Variants in RASSF8 observed in about 807,000 individuals in gnomAD.
RASSF8 encodes the protein Ras association domain family member 8, also known as ras association domain-containing protein 8.
A neutral mutation model predicts 48.5 loss-of-function variants in RASSF8; 22 were observed. The ratio of observed to expected loss-of-function variants is 0.45; its 90% CI spans 0.32 to 0.65. The LOEUF (loss-of-function observed/expected upper bound fraction) is 0.65, where lower values mean the gene tolerates loss of function less well. Among genes scored for constraint, RASSF8 ranks in the 30% least tolerant of loss-of-function variants. The pLI is 0.03. For synonymous variants in RASSF8, 127 were observed against 171.5 expected (o/e 0.74, Z 2.03); for missense variants, 418 against 489.2 (o/e 0.85, Z 1.37).
chr12:26,048,501 A>G (rs1437011614), intron 2 of RASSF8, among the ~76,000 whole-genome samples: 1 of 152,206 alleles, frequency 6.6e-6, no homozygotes, highest in Non-Finnish European at 1.5e-5. Context: ...ACTCAGGGCT[A>G]CTAGTACTGG....
At chr12:26,062,925 C>G (rs1332018879) in intron 3 of RASSF8, among the ~76,000 whole-genome samples, 1 of 152,112 alleles carries the variant, frequency 6.6e-6, no homozygotes, top group African/African-American at 2.4e-5. Flanking sequence ...TGTTTGCCTC[C>G]AAAACCCCAA....
intron 2 of RASSF8, among the ~76,000 whole-genome samples, chr12:26,025,760 A>G (rs1942898474): frequency 6.6e-6 from 1 of 152,184 alleles, no homozygotes; most frequent in South Asian, 2.1e-4. Context: ...AACAATTGAA[A>G]AATGAAATTC....
At chr12:25,974,240 CA>C (rs1244711158) in intron 1 of RASSF8, among the ~76,000 whole-genome samples, 1 of 151,868 alleles carries the variant, frequency 6.6e-6, no homozygotes, top group Non-Finnish European at 1.5e-5. Flanking sequence ...CCTGATCATA[CA>C]AGCGGAGGAG....
chr12:26,058,528 A>G (rs886324477), intron 3 of RASSF8, among the ~76,000 whole-genome samples: 22 of 82,228 alleles, frequency 2.7e-4, no homozygotes, highest in South Asian at 6.7e-4. Flanking sequence ...ACACATGCGC[A>G]CGCGCGCGCG....
intron 2 of RASSF8, among the ~76,000 whole-genome samples, chr12:26,054,026 GT>G (rs1441185626): frequency 1.3e-5 from 2 of 152,140 alleles, no homozygotes; most frequent in Non-Finnish European, 2.9e-5. Flanking sequence ...AATTTCTAGT[GT>G]TTTTAAAATA....
At chr12:26,008,107 A>G (rs1281169970) in intron 2 of RASSF8, among the ~76,000 whole-genome samples, 2 of 152,068 alleles carry the variant, frequency 1.3e-5, no homozygotes, top group Non-Finnish European at 1.5e-5. Context: ...CCCTGTCTGT[A>G]CTAAAAATAC....
chr12:25,993,596 T>A (rs1337486584), intron 1 of RASSF8, among the ~76,000 whole-genome samples: 2 of 152,198 alleles, frequency 1.3e-5, no homozygotes, highest in African/African-American at 4.8e-5. Context: ...GGTTTTCAAT[T>A]TGCTATCCAG....
intron 1 of RASSF8, among the ~76,000 whole-genome samples, chr12:25,978,152 A>AT (rs1212814052): frequency 6.6e-6 from 1 of 152,156 alleles, no homozygotes; most frequent in African/African-American, 2.4e-5. Context: ...TTCTAACACA[A>AT]TTTTTTAAAA....
intron 2 of RASSF8, among the ~76,000 whole-genome samples, chr12:26,036,852 G>A (rs1270774739): frequency 6.6e-6 from 1 of 152,056 alleles, no homozygotes; most frequent in Non-Finnish European, 1.5e-5. Context: ...GGAGGCAGAG[G>A]TTGAAGTGAG....
chr12:26,037,726 G>A (rs1423669399), intron 2 of RASSF8, among the ~76,000 whole-genome samples: 2 of 152,142 alleles, frequency 1.3e-5, no homozygotes, highest in African/African-American at 2.4e-5. Flanking sequence ...GGGCCTTCAT[G>A]ACACTTTTGT....
intron 2 of RASSF8, among the ~76,000 whole-genome samples, chr12:26,035,092 C>T (rs2137124824): frequency 6.6e-6 from 1 of 152,018 alleles, no homozygotes; most frequent in African/African-American, 2.4e-5. Context: ...ATTATTAATC[C>T]CTAGAAGTAA....
intron 2 of RASSF8, among the ~76,000 whole-genome samples, chr12:26,018,296 A>G (rs1378446695): frequency 6.6e-6 from 1 of 152,154 alleles, no homozygotes; most frequent in Admixed American, 6.5e-5. Flanking sequence ...CTGCCTATGA[A>G]GATTTTATTC....
intron 2 of RASSF8, among the ~76,000 whole-genome samples, chr12:26,030,662 A>C (rs1943010961): frequency 1.3e-5 from 2 of 151,928 alleles, no homozygotes; most frequent in Non-Finnish European, 2.9e-5. Context: ...TTCTTTTCAA[A>C]CCAAATAGAC....
intron 1 of RASSF8, among the ~76,000 whole-genome samples, chr12:25,983,471 G>A (rs1941791768): frequency 6.6e-6 from 1 of 152,170 alleles, no homozygotes; most frequent in Non-Finnish European, 1.5e-5. Context: ...TCTAGAAACT[G>A]ATCTTATCAG....
chr12:26,002,985 A>G (rs995479261), intron 2 of RASSF8, among the ~76,000 whole-genome samples: 1 of 152,238 alleles, frequency 6.6e-6, no homozygotes, highest in African/African-American at 2.4e-5. Flanking sequence ...TAAATAACCT[A>G]TACATAAATG....
At chr12:26,004,119 G>C (rs1470356573) in intron 2 of RASSF8, among the ~76,000 whole-genome samples, 4 of 152,202 alleles carry the variant, frequency 2.6e-5, no homozygotes, top group African/African-American at 9.6e-5. Flanking sequence ...CAAGGCTGCA[G>C]TGAGTTGTGA....
chr12:26,016,740 C>T (rs1054694753), intron 2 of RASSF8, among the ~76,000 whole-genome samples: 8 of 152,100 alleles, frequency 5.3e-5, no homozygotes, highest in African/African-American at 1.9e-4. Context: ...AAAATATTTT[C>T]TTCTTCCTCT....
chr12:26,024,573 C>G (rs753871089), intron 2 of RASSF8, among the ~76,000 whole-genome samples: 1 of 152,162 alleles, frequency 6.6e-6, no homozygotes, highest in Admixed American at 6.5e-5. Flanking sequence ...AAAACACTTG[C>G]AAACTAAATT....
intron 5 of RASSF8, among the ~76,000 whole-genome samples, chr12:26,078,741 G>A (rs1018135385): frequency 6.6e-6 from 1 of 152,086 alleles, no homozygotes; most frequent in African/African-American, 2.4e-5. Flanking sequence ...ATAACCATTG[G>A]ATTTAATGGT....
Sources: gnomAD v4.1 joint callset for allele counts (sites outside exome capture counted in the v4.1 genomes callset) on GRCh38, gnomAD v4.1.1 for gene constraint, MANE v1.5 for transcripts, NCBI Gene and HGNC (gene_info 2026-07-23, HGNC 2026-07-21) for gene names.